Variants in LMO2 observed in about 807,000 individuals in gnomAD.
The protein encoded by LMO2 is LIM domain only 2, also known as rhombotin-2.
A neutral mutation model predicts 23.2 loss-of-function variants in LMO2; 20 were observed. That is an observed-to-expected ratio of 0.86 (90% CI 0.61 to 1.25). The LOEUF (loss-of-function observed/expected upper bound fraction) is 1.25, where lower values mean the gene tolerates loss of function less well. Among genes scored for constraint, LMO2 ranks in the 50% most tolerant of loss-of-function variants. LMO2 has a pLI of 0.00. For synonymous variants in LMO2, 123 were observed against 130.2 expected (o/e 0.94, Z 0.38); for missense variants, 270 against 315.3 (o/e 0.86, Z 1.09).
rs147224382 is a variant in LMO2 at position 33,868,585 on chromosome 11, C to G, written c.248+761G>C. Among the ~76,000 whole-genome samples the G allele has an allele frequency of 2.2e-4, 33 of 152,304 alleles. No homozygotes were observed. In the South Asian group the frequency reaches 5.2e-3, roughly 24 times the overall value. On this transcript the variant is annotated intron_variant, in intron 4 of 5. Coordinates refer to ENST00000257818, the MANE Select transcript of LMO2 (RefSeq NM_005574.4). Reference sequence around the variant, plus strand: ...CAGTACGCGGCTCAGAAAACAGATGCGGCCAATGCTCATTAGAGCTCTGGT... The same window carrying G: ...CAGTACGCGGCTCAGAAAACAGATGGGGCCAATGCTCATTAGAGCTCTGGT...
rs1329368608 is a variant in LMO2 at position 33,880,490 on chromosome 11, G to A, written c.-272+1334C>T. On this transcript the variant is annotated intron_variant, in intron 2 of 5. Transcript: ENST00000257818. This position sits in a 1 kb window ranked among gnomAD's most constrained non-coding sequence, Gnocchi z 4.3. ...AACAAATACATAGAGACAGAAAGTCGAATGGTGGTTGCCAGGAGCTAGGGG... is the reference window on the plus strand; with the variant it reads ...AACAAATACATAGAGACAGAAAGTCAAATGGTGGTTGCCAGGAGCTAGGGG... 2.6e-5 allele frequency among the ~76,000 whole-genome samples: 4 copies of A among 152,064 alleles called. No individual in the cohort carries two copies. Among genetic ancestry groups the A allele is most frequent in the South Asian group, 2.1e-4 (1 of 4,824 alleles).
intron 1 of LMO2, among the ~76,000 whole-genome samples, chr11:33,889,144 G>A (rs2133720749): frequency 6.6e-6 from 1 of 152,318 alleles, no homozygotes; most frequent in South Asian, 2.1e-4. Context: ...TTGGAGCTCT[G>A]CTCTTCTTTG....
At chr11:33,881,524 T>C in intron 2 of LMO2, 2 of 385,012 alleles carry the variant, frequency 5.2e-6, no homozygotes, top group Admixed American at 3.2e-5. Context: ...ATCTAGGCTC[T>C]GAGGCATCTT....
At position 33,869,491 on chromosome 11, in the gene LMO2, CG is replaced by C; in HGVS notation, c.102del (p.Gly35AlafsTer63). The C allele has an allele frequency of 8.3e-7, 1 of 1,204,042 alleles. No individual in the cohort carries two copies. Among genetic ancestry groups the C allele is most frequent in the Non-Finnish European group, 1.0e-6 (1 of 966,302 alleles). 74.6% of individuals were successfully genotyped at this position (1,204,042 alleles called of 1,614,324 possible). ...CCCTCGGGTGCTCGGGCGCCGCCGC[CG>C]CCGCCGCCGTCGCCGCCGCTCCTGC... ...RRRRSGGDGG[G>X]GGGARAPEGV... On this transcript the variant is annotated frameshift_variant, in exon 4 of 6. Transcript: ENST00000257818. LOFTEE classifies it high-confidence loss of function.
intron 2 of LMO2, chr11:33,871,031 GA>G (rs1379842166): frequency 3.1e-6 from 3 of 979,546 alleles, no homozygotes; most frequent in African/African-American, 3.5e-5. Context: ...GGCTTGTAAA[GA>G]GGGAACGTAC....
At chr11:33,875,557 G>T (rs570057321) in intron 2 of LMO2, among the ~76,000 whole-genome samples, 33 of 121,208 alleles carry the variant, frequency 2.7e-4, no homozygotes, top group African/African-American at 9.8e-4. Context: ...AAGCCTGGGC[G>T]ATAAGAGCAA....
intron 2 of LMO2, among the ~76,000 whole-genome samples, chr11:33,874,954 C>T (rs909654340): frequency 2.6e-5 from 4 of 152,238 alleles, no homozygotes; most frequent in African/African-American, 7.2e-5. Context: ...CAGTGTTAAG[C>T]TCATAGTGTG....
intron 1 of LMO2, among the ~76,000 whole-genome samples, chr11:33,891,510 A>G (rs1193343217): frequency 1.3e-5 from 2 of 152,076 alleles, no homozygotes; most frequent in Non-Finnish European, 2.9e-5. Flanking sequence ...AGATGGGTAA[A>G]TTAGCAGTTC....
intron 5 of LMO2, among the ~76,000 whole-genome samples, chr11:33,860,681 G>A (rs12224102): frequency 0.14 from 20,834 of 152,070 alleles, 1,566 homozygotes; most frequent in Non-Finnish European, 0.14. Context: ...GAGGTGGGAG[G>A]ATGGCTTTAG....
At chr11:33,890,430 C>A (rs1857517490) in intron 1 of LMO2, among the ~76,000 whole-genome samples, 1 of 152,322 alleles carries the variant, frequency 6.6e-6, no homozygotes, top group South Asian at 2.1e-4. Flanking sequence ...TGGCTCACTG[C>A]AACCTCCGCC....
chr11:33,891,750 C>G (rs1370587635), intron 1 of LMO2, 45 bp downstream of exon 1: 1 of 152,162 alleles, frequency 6.6e-6, no homozygotes, highest in African/African-American at 2.4e-5. Context: ...AAAAAAGTTC[C>G]CTTGCAATCG....
At chr11:33,887,586 T>C (rs1187032569) in intron 1 of LMO2, among the ~76,000 whole-genome samples, 1 of 147,804 alleles carries the variant, frequency 6.8e-6, no homozygotes, top group African/African-American at 2.5e-5. Flanking sequence ...GCTCTGTTGC[T>C]CAGGCTGGAG....
intron 2 of LMO2, among the ~76,000 whole-genome samples, chr11:33,872,285 C>T (rs937316569): frequency 7.9e-5 from 12 of 152,000 alleles, no homozygotes; most frequent in Non-Finnish European, 1.3e-4. Flanking sequence ...AGTGAGACTC[C>T]GTCTCAAAAT....
Position 33,860,178 on chromosome 11 carries a change from G to A in LMO2, c.465-603C>T, listed in dbSNP as rs186013311. Reference sequence around the variant, plus strand: ...AGACAGGGAGTTCCACAGAAAACACGCGGTGCAGCTAATCGTGCCTCTGAG... The same window carrying A: ...AGACAGGGAGTTCCACAGAAAACACACGGTGCAGCTAATCGTGCCTCTGAG... On this transcript the variant is annotated intron_variant, in intron 5 of 5. Coordinates refer to ENST00000257818, the MANE Select transcript of LMO2 (RefSeq NM_005574.4). Among the ~76,000 whole-genome samples the A allele has an allele frequency of 9.1e-4, 138 of 152,236 alleles. 1 individual carries two copies. Among genetic ancestry groups the A allele is most frequent in the East Asian group, 5.8e-4 (3 of 5,170 alleles).
intron 1 of LMO2, among the ~76,000 whole-genome samples, chr11:33,882,320 C>T (rs1050795894): frequency 2.6e-5 from 4 of 152,212 alleles, no homozygotes; most frequent in Non-Finnish European, 4.4e-5. Flanking sequence ...CTGTTTGTGT[C>T]TCACGCTTTG....
At chr11:33,889,830 A>G (rs1441243813) in intron 1 of LMO2, among the ~76,000 whole-genome samples, 3 of 152,228 alleles carry the variant, frequency 2.0e-5, no homozygotes, top group African/African-American at 7.2e-5. Context: ...AAATAATTAG[A>G]TACCTGCACT....
rs77873050 is a variant in LMO2, at chr11:33,878,603, T to A, written c.-272+3221A>T. 9.1e-3 allele frequency among the ~76,000 whole-genome samples: 1,382 copies of A among 152,332 alleles called. 28 individuals are homozygous for A. The highest frequency in any genetic ancestry group is 0.032 in the African/African-American group (1,335 of 41,568). ...GGTGCTCAGTAAATGGCAATGATTA[T>A]TGCAGTTAGTACAAATTCCTCTCCA... On this transcript the variant is annotated intron_variant, in intron 2 of 5. Coordinates refer to ENST00000257818, the MANE Select transcript of LMO2 (RefSeq NM_005574.4).
In LMO2 at chr11:33,870,044, G is replaced by A. The variant is rs1043203896; in HGVS notation, c.-271-57C>T. 22 of 730,458 alleles carry A rather than the reference G, an allele frequency of 3.0e-5. No individual in the cohort carries two copies. The African/African-American group carries it at 4.0e-4, about 13-fold the overall frequency. The allele number at this position is 730,458 out of a possible 1,614,324, so 45.2% of individuals were successfully genotyped here. On this transcript the variant is annotated intron_variant, in intron 2 of 5. Transcript: ENST00000257818. Reference sequence around the variant, plus strand: ...TCACATTTAAAGAGACAGCTGCCCGGTCCCCCCACCTCCCCTTTTTTCTTC... The same window carrying A: ...TCACATTTAAAGAGACAGCTGCCCGATCCCCCCACCTCCCCTTTTTTCTTC...
At chr11:33,877,630 A>G (rs989046198) in intron 2 of LMO2, among the ~76,000 whole-genome samples, 1 of 151,634 alleles carries the variant, frequency 6.6e-6, no homozygotes, top group Non-Finnish European at 1.5e-5. Flanking sequence ...ACGCCTGGCT[A>G]ATTTTTGTAT....
Sources: gnomAD v4.1 joint callset for allele counts (sites outside exome capture counted in the v4.1 genomes callset) on GRCh38, gnomAD v4.1.1 for gene constraint, Gnocchi (gnomAD v3.1) non-coding constraint, MANE v1.5 for transcripts, NCBI Gene and HGNC (gene_info 2026-07-23, HGNC 2026-07-21) for gene names.